SH3GL2: variants seen among roughly 807,000 people sequenced by gnomAD.
SH3GL2 encodes the protein endophilin-A1.
In SH3GL2, 24 loss-of-function variants were observed where a neutral mutation model predicts 46.0. That is an observed-to-expected ratio of 0.52 (90% confidence interval 0.38 to 0.73). The LOEUF (loss-of-function observed/expected upper bound fraction) is 0.73, where lower values mean the gene tolerates loss of function less well. Ranked by LOEUF, SH3GL2 falls within the 30% of genes least tolerant of loss-of-function variation. The probability of loss-of-function intolerance (pLI) is 0.00; values close to 1 mark genes in which losing one functional copy is unlikely to be tolerated. For missense variants in SH3GL2, 413 were observed against 424.2 expected, an observed-to-expected ratio of 0.97 and a Z score of 0.23; for synonymous variants, 196 against 147.1, an observed-to-expected ratio of 1.33 and a Z score of -2.40.
At chr9:17,662,804 G>C (rs1820254013) in intron 1 of SH3GL2, among the ~76,000 whole-genome samples, 1 of 149,836 alleles carries the variant, frequency 6.7e-6, no homozygotes, top group Admixed American at 6.8e-5. Context: ...CTGCCTGCCG[G>C]GTTCAAGCAA....
intron 2 of SH3GL2, among the ~76,000 whole-genome samples, chr9:17,751,346 A>T (rs1822836997): frequency 6.6e-6 from 1 of 152,080 alleles, no homozygotes; most frequent in African/African-American, 2.4e-5. Flanking sequence ...GAGGGGTTCA[A>T]TTTTTCTATC....
At chr9:17,603,307 A>G (rs1365722070) in intron 1 of SH3GL2, among the ~76,000 whole-genome samples, 1 of 152,188 alleles carries the variant, frequency 6.6e-6, no homozygotes, top group Non-Finnish European at 1.5e-5. Context: ...ATAGATAAAC[A>G]AAATATGGTA....
rs980362593 is a variant in SH3GL2, at chr9:17,621,923, C to A, written c.45+42636C>A. ...GCCCAATAAAAATGTTGCTCTACAA[C>A]CCTTAATTTTTATAACTGTTCTGGC... On this transcript the variant is annotated intron_variant, in intron 1 of 8. Coordinates refer to ENST00000380607, the MANE Select transcript of SH3GL2 (RefSeq NM_003026.5). Among the ~76,000 whole-genome samples the A allele has an allele frequency of 3.9e-5, 6 of 152,114 alleles. 1 individual carries two copies. Among genetic ancestry groups the A allele is most frequent in the Non-Finnish European group, 7.3e-5 (5 of 68,028 alleles).
intron 1 of SH3GL2, among the ~76,000 whole-genome samples, chr9:17,652,447 A>AT (rs1319733629): frequency 6.6e-6 from 1 of 151,286 alleles, no homozygotes; most frequent in African/African-American, 2.4e-5. Context: ...AGTTTTTGTA[A>AT]TTTTTTGAGG....
intron 1 of SH3GL2, among the ~76,000 whole-genome samples, chr9:17,707,198 A>G (rs1031863609): frequency 6.6e-6 from 1 of 151,968 alleles, no homozygotes; most frequent in South Asian, 2.1e-4. Context: ...CTGATTCTCC[A>G]TTTCCTTGTT....
At chr9:17,789,574 A>G (rs763349807) in intron 6 of SH3GL2, 24 bp downstream of exon 6, 5 of 1,612,044 alleles carry the variant, frequency 3.1e-6, no homozygotes, top group Middle Eastern at 1.6e-4. Context: ...GTGGTTTTCA[A>G]TTTAATCTTA....
At chr9:17,776,371 C>T (rs1245621416) in intron 3 of SH3GL2, among the ~76,000 whole-genome samples, 1 of 152,160 alleles carries the variant, frequency 6.6e-6, no homozygotes, top group East Asian at 1.9e-4. Context: ...ACTAAACCCC[C>T]TTAGAAAACA....
intron 1 of SH3GL2, among the ~76,000 whole-genome samples, chr9:17,680,966 C>G (rs1013910547): frequency 4.6e-5 from 7 of 152,026 alleles, no homozygotes; most frequent in African/African-American, 9.7e-5. Context: ...ATCCTGAGTT[C>G]TAGTTTGATT....
intron 1 of SH3GL2, among the ~76,000 whole-genome samples, chr9:17,721,507 G>C (rs1262645656): frequency 6.6e-6 from 1 of 151,954 alleles, no homozygotes; most frequent in Non-Finnish European, 1.5e-5. Flanking sequence ...AATGGTTGCT[G>C]TGTGTTCCAT....
At chr9:17,792,769 C>T (rs1202003244) in intron 7 of SH3GL2, among the ~76,000 whole-genome samples, 1 of 152,124 alleles carries the variant, frequency 6.6e-6, no homozygotes, top group Non-Finnish European at 1.5e-5. Flanking sequence ...AGACTCCTTC[C>T]CACCTTCACC....
chr9:17,721,499 T>C (rs1237332753), intron 1 of SH3GL2, among the ~76,000 whole-genome samples: 1 of 152,150 alleles, frequency 6.6e-6, no homozygotes, highest in East Asian at 1.9e-4. Flanking sequence ...TCATTTTAAA[T>C]GGTTGCTGTG....
At position 17,629,269 on chromosome 9, in the gene SH3GL2, A is replaced by G. The variant is rs909449729; in HGVS notation, c.45+49982A>G. On this transcript the variant is annotated intron_variant, in intron 1 of 8. Transcript: ENST00000380607. ...AAATTCCCATTGTGTTTTAATTTTGATAAGTTATTATAATTTCATGATAGA... is the reference window on the plus strand; with the variant it reads ...AAATTCCCATTGTGTTTTAATTTTGGTAAGTTATTATAATTTCATGATAGA... 2.6e-5 allele frequency among the ~76,000 whole-genome samples: 4 copies of G among 152,284 alleles called. No homozygotes were observed. The South Asian group carries it at 6.2e-4, about 24-fold the overall frequency.
chr9:17,706,576 T>A (rs1262279657), intron 1 of SH3GL2, among the ~76,000 whole-genome samples: 2 of 152,102 alleles, frequency 1.3e-5, no homozygotes, highest in East Asian at 3.9e-4. Flanking sequence ...TAAAAATGAA[T>A]GTTGTACGTG....
intron 1 of SH3GL2, among the ~76,000 whole-genome samples, chr9:17,603,276 C>T (rs1818702078): frequency 6.6e-6 from 1 of 152,126 alleles, no homozygotes; most frequent in African/African-American, 2.4e-5. Context: ...GGGAGCAACC[C>T]AAGTGTCTGT....
chr9:17,794,029 C>G (rs1824206903), intron 8 of SH3GL2, among the ~76,000 whole-genome samples: 1 of 152,326 alleles, frequency 6.6e-6, no homozygotes, highest in Admixed American at 6.5e-5. Flanking sequence ...TGAAACTCGA[C>G]ACTTGCTGGG....
At chr9:17,754,749 A>T (rs4370617) in intron 2 of SH3GL2, among the ~76,000 whole-genome samples, 101,171 of 152,052 alleles carry the variant, frequency 0.67, 34,171 homozygotes, top group East Asian at 0.83. Flanking sequence ...TTTTGTGGCA[A>T]TTGTGAAGGA....
At chr9:17,706,886 A>G (rs16935914) in intron 1 of SH3GL2, among the ~76,000 whole-genome samples, 24,433 of 151,902 alleles carry the variant, frequency 0.16, 3,112 homozygotes, top group African/African-American at 0.34. Flanking sequence ...GTAGGGTTTT[A>G]CCTCAACAAA....
intron 3 of SH3GL2, among the ~76,000 whole-genome samples, chr9:17,764,272 AC>A (rs1823258224): frequency 1.3e-5 from 2 of 152,166 alleles, no homozygotes; most frequent in African/African-American, 4.8e-5. Context: ...AATTTAAACA[AC>A]CTGCATTTAA....
At chr9:17,644,438 C>G (rs565856796) in intron 1 of SH3GL2, among the ~76,000 whole-genome samples, 36 of 151,936 alleles carry the variant, frequency 2.4e-4, no homozygotes, top group Non-Finnish European at 4.6e-4. Flanking sequence ...GATTTTAGAT[C>G]TTTCCCTCTT....
Sources: allele counts gnomAD v4.1 joint callset (sites outside exome capture counted in the v4.1 genomes callset), GRCh38; gene constraint gnomAD v4.1.1; transcripts MANE v1.5; gene names NCBI Gene and HGNC (gene_info 2026-07-23, HGNC 2026-07-21).